BANP: variants seen among roughly 807,000 people sequenced by gnomAD.
BANP encodes the protein protein BANP.
In BANP, 11 loss-of-function variants were observed where a neutral mutation model predicts 68.1. The ratio of observed to expected loss-of-function variants is 0.16; its 90% CI spans 0.10 to 0.27. The LOEUF is 0.27. BANP is among the 10% of genes least tolerant of loss of function. The probability of loss-of-function intolerance (pLI) is 1.00; values close to 1 mark genes in which losing one functional copy is unlikely to be tolerated. For missense variants in BANP, 504 were observed against 722.7 expected, an observed-to-expected ratio of 0.70 and a Z score of 3.47; for synonymous variants, 329 against 303.2, an observed-to-expected ratio of 1.09 and a Z score of -0.88.
intron 2 of BANP, among the ~76,000 whole-genome samples, chr16:87,979,071 T>G (rs942929152): frequency 6.6e-6 from 1 of 152,202 alleles, no homozygotes; most frequent in Non-Finnish European, 1.5e-5. Context: ...CTAGGACCTG[T>G]GAGAGGTTCC....
intron 2 of BANP, among the ~76,000 whole-genome samples, chr16:87,978,040 T>C (rs1192309259): frequency 6.6e-6 from 1 of 152,214 alleles, no homozygotes; most frequent in African/African-American, 2.4e-5. Flanking sequence ...TTCACCATGT[T>C]GGCCAGGCTG....
At chr16:88,052,401 G>A (rs147589708) in intron 11 of BANP, among the ~76,000 whole-genome samples, 42 of 151,382 alleles carry the variant, frequency 2.8e-4, no homozygotes, top group African/African-American at 8.7e-4. Flanking sequence ...TAAATTTGGT[G>A]ACTAGGTTGA....
chr16:87,973,946 G>C (rs749911629), intron 1 of BANP, among the ~76,000 whole-genome samples: 3 of 152,096 alleles, frequency 2.0e-5, no homozygotes, highest in African/African-American at 7.2e-5. Context: ...ATAGACTCAA[G>C]AGTTGAAACC....
chr16:87,977,405 C>A (rs1386853014), intron 2 of BANP, among the ~76,000 whole-genome samples: 5 of 144,032 alleles, frequency 3.5e-5, no homozygotes, highest in Non-Finnish European at 7.8e-5. Flanking sequence ...GGCGACAGAG[C>A]GAGACTCCGT....
chr16:88,033,402 G>T (rs1345562086), intron 9 of BANP, among the ~76,000 whole-genome samples, 157 bp downstream of exon 9: 2 of 152,170 alleles, frequency 1.3e-5, no homozygotes, highest in Non-Finnish European at 2.9e-5. Flanking sequence ...GGTCATCGTG[G>T]CCATGAGCTC....
intron 11 of BANP, among the ~76,000 whole-genome samples, chr16:88,048,148 G>C (rs1489441336): frequency 2.0e-5 from 3 of 152,162 alleles, no homozygotes; most frequent in Admixed American, 2.0e-4. Context: ...GTAGAATTTT[G>C]GTATATCATA....
In BANP at chr16:88,027,694, G is replaced by A. The variant is rs112831007; in HGVS notation, c.1063+44G>A. 16 of 1,607,352 alleles carry A rather than the reference G, an allele frequency of 1.0e-5. No homozygotes were observed. The Admixed American group carries it at 2.0e-4, about 20-fold the overall frequency. On this transcript the variant is annotated intron_variant, in intron 8 of 13. Coordinates refer to ENST00000682872, the MANE Select transcript of BANP (RefSeq NM_001386991.1). The stretch of plus-strand genomic sequence containing the variant: ...GAGAGGCCGCCCTCCCCCGCTCGGG[G>A]CAGCTGGCCTGGTGGCACCCTCAGG...
chr16:88,065,166 G>T, intron 11 of BANP, 101 bp from the exon 12 acceptor site: 1 of 598,030 alleles, frequency 1.7e-6, no homozygotes, highest in South Asian at 1.9e-5. Flanking sequence ...TGGCTTTACC[G>T]GAGGGCAGAA....
intron 13 of BANP, among the ~76,000 whole-genome samples, chr16:88,075,158 C>T (rs935741698): frequency 6.6e-6 from 1 of 152,268 alleles, no homozygotes; most frequent in East Asian, 1.9e-4. Context: ...CCAGCCTGCT[C>T]AACCTGGTGA....
At chr16:87,999,130 G>A (rs2068283660) in intron 4 of BANP, among the ~76,000 whole-genome samples, 1 of 142,728 alleles carries the variant, frequency 7.0e-6, no homozygotes, top group Non-Finnish European at 1.5e-5. Flanking sequence ...ACGTCTCCAT[G>A]CATGCACGTG....
Position 88,057,700 on chromosome 16 carries a change from G to A in BANP, c.1312-7567G>A, listed in dbSNP as rs968459043. ...CAGAAGGGAAGTTGCGGCACTGTGC[G>A]AGACAGTCTGACTTCTGACAAGTAA... On this transcript the variant is annotated intron_variant, in intron 11 of 13. Transcript: ENST00000682872. The surrounding 1 kb of genome is among the most constrained non-coding windows in gnomAD (Gnocchi z 4.6). Among the ~76,000 whole-genome samples the A allele has an allele frequency of 2.0e-5, 3 of 149,580 alleles. No homozygotes were observed. Among genetic ancestry groups the A allele is most frequent in the Non-Finnish European group, 3.0e-5 (2 of 67,534 alleles).
chr16:88,051,432 T>C (rs73250896), intron 11 of BANP, among the ~76,000 whole-genome samples: 3,006 of 152,258 alleles, frequency 0.02, 99 homozygotes, highest in African/African-American at 0.068. Context: ...TTGTAGAAAG[T>C]ATGGGGTTTG....
intron 6 of BANP, among the ~76,000 whole-genome samples, chr16:88,017,904 C>G (rs1173182346): frequency 1.3e-5 from 2 of 152,212 alleles, no homozygotes; most frequent in African/African-American, 2.4e-5. Context: ...CTGTGACTTA[C>G]ACTGTGCAGA....
At chr16:88,047,610 G>C (rs977978168) in intron 11 of BANP, among the ~76,000 whole-genome samples, 3 of 152,138 alleles carry the variant, frequency 2.0e-5, no homozygotes, top group Non-Finnish European at 4.4e-5. Flanking sequence ...TGTCCAGAAG[G>C]GCAGTAATTC....
intron 7 of BANP, among the ~76,000 whole-genome samples, chr16:88,021,250 G>C (rs2075976474): frequency 6.6e-6 from 1 of 152,216 alleles, no homozygotes; most frequent in South Asian, 2.1e-4. Context: ...GGCCTCCCCA[G>C]GCTCTGAGCT....
chr16:87,984,319 C>G, intron 4 of BANP, 60 bp downstream of exon 4: 1 of 1,411,894 alleles, frequency 7.1e-7, no homozygotes, highest in Non-Finnish European at 9.6e-7. Context: ...GCGTCACCTC[C>G]TCGCCCAGGC....
At chr16:88,031,535 GC>G (rs898029540) in intron 8 of BANP, among the ~76,000 whole-genome samples, 17 of 151,868 alleles carry the variant, frequency 1.1e-4, no homozygotes, top group African/African-American at 4.1e-4. Flanking sequence ...TGTAATCCCA[GC>G]TACTTGGAAG....
intron 4 of BANP, among the ~76,000 whole-genome samples, chr16:87,990,701 G>A (rs2065680449): frequency 6.6e-6 from 1 of 152,164 alleles, no homozygotes; most frequent in South Asian, 2.1e-4. Context: ...TTAATTTCGT[G>A]TACATGTGAT....
intron 1 of BANP, 22 bp downstream of exon 1, chr16:87,951,537 G>C (rs1818574784): frequency 6.5e-6 from 1 of 152,754 alleles, no homozygotes; most frequent in African/African-American, 2.4e-5. Flanking sequence ...TCCCGCAGCC[G>C]GTCGCGCCTC....
Sources: allele counts gnomAD v4.1 joint callset (sites outside exome capture counted in the v4.1 genomes callset), GRCh38; gene constraint gnomAD v4.1.1; non-coding constraint Gnocchi (gnomAD v3.1); transcripts MANE v1.5; gene names NCBI Gene and HGNC (gene_info 2026-07-23, HGNC 2026-07-21).